The following RHOBTB3 variants were observed in gnomAD, a reference collection of about 807,000 sequenced individuals.
RHOBTB3 encodes Rho related BTB domain containing 3.
RHOBTB3 carries 47 observed loss-of-function variants against 67.2 expected under a neutral mutation model. The observed-to-expected ratio is 0.70, with a 90% CI of 0.55 to 0.89. RHOBTB3 has a LOEUF of 0.89. RHOBTB3 is among the 40% of genes least tolerant of loss of function. RHOBTB3 has a pLI of 0.00. For synonymous variants in RHOBTB3, 273 were observed against 274.2 expected (o/e 1.00, Z 0.04); for missense variants, 631 against 750.0 (o/e 0.84, Z 1.85).
rs142987971 is a variant in RHOBTB3, at chr5:95,787,019, G to T, written c.1624-1743G>T. ...CCTCAGTTCTTTCATTCCTGGAAGC[G>T]GAAAGCTTATTCAGATGTGTCATCC... On this transcript the variant is annotated intron_variant, in intron 10 of 11. Coordinates refer to ENST00000379982, the MANE Select transcript of RHOBTB3 (RefSeq NM_014899.4). Among the ~76,000 whole-genome samples the T allele has an allele frequency of 1.8e-4, 27 of 152,230 alleles. No homozygotes were observed. In the East Asian group the frequency reaches 4.4e-3, roughly 25 times the overall value.
At chr5:95,771,192 GAATT>G (rs1303223094) in intron 8 of RHOBTB3, among the ~76,000 whole-genome samples, 2 of 152,184 alleles carry the variant, frequency 1.3e-5, no homozygotes, top group African/African-American at 4.8e-5. Context: ...AAAAAAGAAT[GAATT>G]GTCAGATACC....
chr5:95,730,784 G>A, upstream of RHOBTB3: 1 of 425,244 alleles, frequency 2.4e-6, no homozygotes, highest in Non-Finnish European at 4.7e-6. Flanking sequence ...ATTGGTGTGT[G>A]AACAAAGAAC....
chr5:95,767,342 CTT>C (rs112510793), intron 7 of RHOBTB3, among the ~76,000 whole-genome samples: 163 of 147,670 alleles, frequency 1.1e-3, no homozygotes, highest in Non-Finnish European at 1.2e-3. Context: ...ATTTTTCTTT[CTT>C]TTTTTTTTTT....
At position 95,752,236 on chromosome 5, in the gene RHOBTB3, T is replaced by C. The variant is rs1349915407; in HGVS notation, c.571-3T>C. 1.5e-5 allele frequency: 22 copies of C among 1,504,390 alleles called. No individual in the cohort carries two copies. Among genetic ancestry groups the C allele is most frequent in the Non-Finnish European group, 2.0e-5 (22 of 1,099,228 alleles). The allele number at this position is 1,504,390 out of a possible 1,614,324, so 93.2% of individuals were successfully genotyped here. Reference sequence around the variant, plus strand: ...TTCAATTAAAATTTGATTCCTGTTTTAGTTGGAGTATTTTATGATTCAAGC... The same window carrying C: ...TTCAATTAAAATTTGATTCCTGTTTCAGTTGGAGTATTTTATGATTCAAGC... On this transcript the variant is annotated splice_region_variant and splice_polypyrimidine_tract_variant and intron_variant, in intron 4 of 11. Transcript: ENST00000379982.
chr5:95,770,097 A>G, intron 8 of RHOBTB3: 1 of 284,856 alleles, frequency 3.5e-6, no homozygotes, highest in Non-Finnish European at 7.1e-6. Flanking sequence ...GGAAATGGTG[A>G]CAAGTCTTGA....
chr5:95,780,623 C>A (rs1310374179), intron 9 of RHOBTB3, among the ~76,000 whole-genome samples, 198 bp downstream of exon 9: 3 of 152,162 alleles, frequency 2.0e-5, no homozygotes, highest in Non-Finnish European at 4.4e-5. Context: ...TGATTGGGTG[C>A]CTTTTATGGG....
At chr5:95,786,031 G>A (rs962697391) in intron 10 of RHOBTB3, among the ~76,000 whole-genome samples, 1 of 152,142 alleles carries the variant, frequency 6.6e-6, no homozygotes, top group African/African-American at 2.4e-5. Context: ...AACAATCTAA[G>A]ATACAAGCTC....
At chr5:95,723,721 T>C (rs1337751340) in intron 1 of RHOBTB3, among the ~76,000 whole-genome samples, 2 of 152,190 alleles carry the variant, frequency 1.3e-5, no homozygotes, top group African/African-American at 2.4e-5. Context: ...TATCTCTCCT[T>C]TACTTCCTGT....
At position 95,755,640 on chromosome 5, in the gene RHOBTB3, C is replaced by A. The variant is rs1215844453; in HGVS notation, c.927C>A (p.Asn309Lys). ...IRTTQDLFAI[N>K]RDTAFPGASH... ...CTACCCAGGATCTTTTTGCTATAAA[C>A]AGAGATACTGCATTTCCAGGTGCTA... The change falls in exon 6 of 12, where the codon AAC (asparagine) becomes AAA (lysine). Residue 309 changes from asparagine (N) to lysine (K), a missense_variant. Transcript: ENST00000379982. 1 of 1,614,200 alleles carries A rather than the reference C, an allele frequency of 6.2e-7. No individual in the cohort carries two copies. The highest frequency in any genetic ancestry group is 8.5e-7 in the Non-Finnish European group (1 of 1,180,040).
chr5:95,731,141 C>G (rs1356271069), upstream of RHOBTB3: 9 of 1,014,780 alleles, frequency 8.9e-6, no homozygotes, highest in Non-Finnish European at 1.1e-5. Flanking sequence ...TATTCCGCGG[C>G]GCCCCGCGCG....
chr5:95,759,272 G>C (rs1745330790), intron 6 of RHOBTB3, among the ~76,000 whole-genome samples: 1 of 152,224 alleles, frequency 6.6e-6, no homozygotes, highest in Non-Finnish European at 1.5e-5. Context: ...GTCTGAGCAG[G>C]GGCACGGGCC....
At chr5:95,735,497 G>A (rs1022079933) in intron 2 of RHOBTB3, among the ~76,000 whole-genome samples, 1 of 152,174 alleles carries the variant, frequency 6.6e-6, no homozygotes, top group African/African-American at 2.4e-5. Context: ...TAGGATAAAA[G>A]CTCTGTCACA....
At chr5:95,727,560 G>T (rs1755095086), upstream of RHOBTB3, among the ~76,000 whole-genome samples, 2 of 152,138 alleles carry the variant, frequency 1.3e-5, 1 homozygote, top group Non-Finnish European at 2.9e-5. Flanking sequence ...ATATTGTTTG[G>T]GTTGGAAGCC....
At chr5:95,720,010 G>A (rs1428019377) in intron 1 of RHOBTB3, among the ~76,000 whole-genome samples, 1 of 152,080 alleles carries the variant, frequency 6.6e-6, no homozygotes, top group African/African-American at 2.4e-5. Flanking sequence ...TTCCTATAAG[G>A]GAAGACAGTG....
At chr5:95,793,011 T>G in intron 11 of RHOBTB3, 48 bp from the exon 12 acceptor site, 1 of 1,262,578 alleles carries the variant, frequency 7.9e-7, no homozygotes, top group Non-Finnish European at 1.2e-6. Flanking sequence ...TCTTAATTGA[T>G]CCATAATAAA....
upstream of RHOBTB3, among the ~76,000 whole-genome samples, chr5:95,727,051 A>T (rs1331799859): frequency 6.6e-6 from 1 of 151,778 alleles, no homozygotes; most frequent in Non-Finnish European, 1.5e-5. Flanking sequence ...CACCTTGAAG[A>T]CTCTGGCTCT....
At chr5:95,733,746 G>A (rs1247520140) in intron 2 of RHOBTB3, among the ~76,000 whole-genome samples, 2 of 152,158 alleles carry the variant, frequency 1.3e-5, no homozygotes, top group Non-Finnish European at 2.9e-5. Flanking sequence ...TTCTAGAGTT[G>A]CTCTTTATAA....
At position 95,780,494 on chromosome 5, in the gene RHOBTB3, C is replaced by T. The variant is rs547655087; in HGVS notation, c.1456+69C>T. The T allele has an allele frequency of 6.4e-5, 84 of 1,306,786 alleles. No homozygotes were observed. In the African/African-American group the frequency reaches 1.1e-3, roughly 17 times the overall value. The allele number at this position is 1,306,786 out of a possible 1,614,324, so 80.9% of individuals were successfully genotyped here. A position where few individuals can be genotyped will look rare whatever the true frequency, so the allele number is the denominator to read the frequency against. The stretch of plus-strand genomic sequence containing the variant: ...CCTTGCCACCCATTTTGTTAAATTG[C>T]ACTCTGTGGAATCTATTTTCATTTA... On this transcript the variant is annotated intron_variant, in intron 9 of 11. Coordinates refer to ENST00000379982, the MANE Select transcript of RHOBTB3 (RefSeq NM_014899.4).
chr5:95,757,906 C>T (rs1561447340), intron 6 of RHOBTB3, among the ~76,000 whole-genome samples: 1 of 152,132 alleles, frequency 6.6e-6, no homozygotes, highest in Admixed American at 6.5e-5. Flanking sequence ...GACGTTTAAA[C>T]TTAGAATGTC....
Sources: gnomAD v4.1 joint callset for allele counts (sites outside exome capture counted in the v4.1 genomes callset) on GRCh38, gnomAD v4.1.1 for gene constraint, MANE v1.5 for transcripts, NCBI Gene and HGNC (gene_info 2026-07-23, HGNC 2026-07-21) for gene names.